PTPN5: variants seen among roughly 807,000 people sequenced by gnomAD.
PTPN5 encodes the protein protein tyrosine phosphatase non-receptor type 5, also known as tyrosine-protein phosphatase non-receptor type 5.
In PTPN5, 29 loss-of-function variants were observed where a neutral mutation model predicts 73.9. That is an observed-to-expected ratio of 0.39 (90% CI 0.29 to 0.54). The LOEUF (loss-of-function observed/expected upper bound fraction) is 0.54. PTPN5 is among the 20% of genes least tolerant of loss of function. The probability of loss-of-function intolerance (pLI) is 0.65; values close to 1 mark genes in which losing one functional copy is unlikely to be tolerated. For synonymous variants in PTPN5, 267 were observed against 304.7 expected (o/e 0.88, Z 1.29); for missense variants, 652 against 751.4 (o/e 0.87, Z 1.55).
intron 3 of PTPN5, among the ~76,000 whole-genome samples, chr11:18,746,444 G>T (rs1051122348): frequency 6.6e-5 from 10 of 151,882 alleles, no homozygotes; most frequent in African/African-American, 2.4e-4. Context: ...CACCCACCTT[G>T]GCCTCCCAAA....
Position 18,729,123 on chromosome 11 carries a change from C to G in PTPN5, c.1605-96G>C, listed in dbSNP as rs1848755249. 3.7e-6 allele frequency: 5 copies of G among 1,335,364 alleles called. No individual in the cohort carries two copies. The highest frequency in any genetic ancestry group is 1.9e-5 in the Admixed American group (1 of 51,350). The allele number at this position is 1,335,364 out of a possible 1,614,324, so 82.7% of individuals were successfully genotyped here. A position where few individuals can be genotyped will look rare whatever the true frequency, so the allele number is the denominator to read the frequency against. ...ATGGAGTAGCAATCACTTGCCAGGC[C>G]TTGCCCCTGTGCGTCTTGGAGAGAC... On this transcript the variant is annotated intron_variant, in intron 14 of 14. Transcript: ENST00000358540. This position sits in a 1 kb window ranked among gnomAD's most constrained non-coding sequence, Gnocchi z 5.2.
intron 7 of PTPN5, among the ~76,000 whole-genome samples, chr11:18,741,245 T>G (rs920952597): frequency 1.3e-5 from 2 of 152,052 alleles, no homozygotes; most frequent in Non-Finnish European, 2.9e-5. Context: ...AGCCCTGGGA[T>G]GAGGCTGCTG....
chr11:18,768,983 C>T (rs1282694916), intron 2 of PTPN5, among the ~76,000 whole-genome samples: 2 of 152,308 alleles, frequency 1.3e-5, no homozygotes, highest in Non-Finnish European at 2.9e-5. Flanking sequence ...TGGCCTGTGA[C>T]AACAGCAGCC....
intron 3 of PTPN5, among the ~76,000 whole-genome samples, chr11:18,750,809 GAGGTTA>G (rs1370586848): frequency 2.1e-4 from 32 of 152,352 alleles, no homozygotes; most frequent in African/African-American, 7.7e-4. Flanking sequence ...GAGGCACAGA[GAGGTTA>G]AGTGACTGGC....
chr11:18,736,213 G>C (rs1849106071), intron 9 of PTPN5, among the ~76,000 whole-genome samples: 1 of 152,146 alleles, frequency 6.6e-6, no homozygotes, highest in African/African-American at 2.4e-5. Flanking sequence ...AAGCAGGCGA[G>C]GACAGCTTGA....
intron 3 of PTPN5, among the ~76,000 whole-genome samples, chr11:18,759,385 C>T (rs1040443357): frequency 2.0e-5 from 3 of 152,166 alleles, no homozygotes; most frequent in Non-Finnish European, 4.4e-5. Flanking sequence ...TAATTTACCA[C>T]AGGTCATGCT....
intron 3 of PTPN5, among the ~76,000 whole-genome samples, chr11:18,760,247 G>T (rs1381991425): frequency 6.6e-6 from 1 of 152,218 alleles, no homozygotes; most frequent in Non-Finnish European, 1.5e-5. Flanking sequence ...ACTGGTCCAA[G>T]ACCTCATCTG....
intron 3 of PTPN5, among the ~76,000 whole-genome samples, chr11:18,764,508 C>A (rs890256589): frequency 6.6e-6 from 1 of 152,204 alleles, no homozygotes; most frequent in African/African-American, 2.4e-5. Flanking sequence ...GGAGCTGGGG[C>A]ACTGAGTGTG....
intron 1 of PTPN5, among the ~76,000 whole-genome samples, chr11:18,785,218 A>G (rs1851616063): frequency 6.6e-6 from 1 of 151,896 alleles, no homozygotes; most frequent in Non-Finnish European, 1.5e-5. Context: ...CCCCTCTTTA[A>G]CCACCTTGAT....
chr11:18,765,685 G>C, intron 3 of PTPN5, 122 bp downstream of exon 3: 2 of 721,564 alleles, frequency 2.8e-6, no homozygotes, highest in Non-Finnish European at 5.1e-6. Context: ...CTATGGAGCA[G>C]CTGCATGGAT....
At chr11:18,789,694 A>G (rs1409508487) in intron 1 of PTPN5, among the ~76,000 whole-genome samples, 1 of 152,224 alleles carries the variant, frequency 6.6e-6, no homozygotes, top group African/African-American at 2.4e-5. Context: ...TAACTCAGGA[A>G]TGGAAAACCA....
intron 1 of PTPN5, among the ~76,000 whole-genome samples, chr11:18,782,710 A>C (rs1040679676): frequency 3.9e-5 from 6 of 152,206 alleles, no homozygotes; most frequent in Admixed American, 3.3e-4. Flanking sequence ...GAGCTCATGC[A>C]GTTGTCAAAA....
rs139088516 is a variant in PTPN5 at position 18,771,797 on chromosome 11, G to A, written c.20+142C>T. ...AGCACGTTCAGCAGGCAGGGGCAGAGGGCATGCTGGTTTCATGGAAAAGGA... is the reference window on the plus strand; with the variant it reads ...AGCACGTTCAGCAGGCAGGGGCAGAAGGCATGCTGGTTTCATGGAAAAGGA... On this transcript the variant is annotated intron_variant, in intron 2 of 14. Coordinates refer to ENST00000358540, the MANE Select transcript of PTPN5 (RefSeq NM_006906.2). 5.4e-3 allele frequency: 3,840 copies of A among 709,676 alleles called. 10 individuals are homozygous for A. The highest frequency in any genetic ancestry group is 7.6e-3 in the Non-Finnish European group (3,118 of 408,064). The allele number at this position is 709,676 out of a possible 1,614,324, so 44.0% of individuals were successfully genotyped here. A position where few individuals can be genotyped will look rare whatever the true frequency, so the allele number is the denominator to read the frequency against.
chr11:18,740,941 CCT>C (rs1849338162), intron 7 of PTPN5, 149 bp from the exon 8 acceptor site: 1 of 458,144 alleles, frequency 2.2e-6, no homozygotes, highest in African/African-American at 2.0e-5. Flanking sequence ...GACAAGACCC[CCT>C]GACAAAGAAG....
chr11:18,750,888 A>G (rs1327084640), intron 3 of PTPN5, among the ~76,000 whole-genome samples: 1 of 152,182 alleles, frequency 6.6e-6, no homozygotes, highest in East Asian at 1.9e-4. Flanking sequence ...GGGTCTCCAC[A>G]GTCTATGATT....
chr11:18,777,456 T>C (rs1422093572), intron 1 of PTPN5, among the ~76,000 whole-genome samples: 5 of 152,214 alleles, frequency 3.3e-5, no homozygotes, highest in Non-Finnish European at 7.3e-5. Context: ...ACTGTCATCA[T>C]CTTGTGTTTC....
At chr11:18,773,459 C>T (rs930277830) in intron 1 of PTPN5, among the ~76,000 whole-genome samples, 8 of 152,100 alleles carry the variant, frequency 5.3e-5, no homozygotes, top group Non-Finnish European at 4.4e-5. Flanking sequence ...AGGGCTTCCG[C>T]TGCACCCCAC....
rs1376198636 is a variant in PTPN5, at chr11:18,728,246, T to G, written c.*688A>C. 6.6e-6 allele frequency: 1 copy of G among 152,026 alleles called. No individual in the cohort carries two copies. Among genetic ancestry groups the G allele is most frequent in the Non-Finnish European group, 1.5e-5 (1 of 68,024 alleles). 9.4% of individuals were successfully genotyped at this position (152,026 alleles called of 1,614,324 possible). On this transcript the variant is annotated 3_prime_UTR_variant, in exon 15 of 15. Transcript: ENST00000358540. This position sits in a 1 kb window ranked among gnomAD's most constrained non-coding sequence, Gnocchi z 4.1. ...ACCCAAACCTTGAGCTCCCCTCCCC[T>G]CCCCAACAGGGCCTAGATCCTCTGG...
At chr11:18,787,168 TTGAG>T (rs761414547) in intron 1 of PTPN5, among the ~76,000 whole-genome samples, 4 of 152,268 alleles carry the variant, frequency 2.6e-5, no homozygotes, top group Non-Finnish European at 5.9e-5. Context: ...ATTTTCATAC[TTGAG>T]TGACAACACA....
Sources: allele counts gnomAD v4.1 joint callset (sites outside exome capture counted in the v4.1 genomes callset), GRCh38; gene constraint gnomAD v4.1.1; non-coding constraint Gnocchi (gnomAD v3.1); transcripts MANE v1.5; gene names NCBI Gene and HGNC (gene_info 2026-07-23, HGNC 2026-07-21).